Variants in DCC observed in about 807,000 individuals in gnomAD.
The protein encoded by DCC is DCC netrin 1 receptor.
Under a neutral mutation model 172.5 loss-of-function variants are expected in DCC, and 58 were observed. The observed-to-expected ratio is 0.34, with a 90% CI of 0.27 to 0.42. DCC has a LOEUF of 0.42. DCC is among the 10% of genes least tolerant of loss of function. DCC has a pLI of 1.00. For missense variants in DCC, 1,740 were observed against 1,791.0 expected, an observed-to-expected ratio of 0.97 and a Z score of 0.51; for synonymous variants, 709 against 644.5, an observed-to-expected ratio of 1.10 and a Z score of -1.52.
chr18:52,790,273 C>T (rs888941365), intron 2 of DCC, among the ~76,000 whole-genome samples: 2 of 152,152 alleles, frequency 1.3e-5, no homozygotes, highest in African/African-American at 4.8e-5. Context: ...GGTCTGCATC[C>T]TAGCCTAACA....
intron 7 of DCC, among the ~76,000 whole-genome samples, chr18:53,071,781 T>G (rs923767507): frequency 6.6e-6 from 1 of 152,176 alleles, no homozygotes; most frequent in Non-Finnish European, 1.5e-5. Flanking sequence ...AATAAGACAT[T>G]ATTACTGCAA....
At chr18:52,771,831 T>C (rs1461287944) in intron 2 of DCC, among the ~76,000 whole-genome samples, 8 of 144,542 alleles carry the variant, frequency 5.5e-5, no homozygotes, top group Non-Finnish European at 1.2e-4. Flanking sequence ...TCAGTGCTTC[T>C]CAAATTTGGT....
chr18:53,426,475 T>C (rs1910970526), intron 21 of DCC, among the ~76,000 whole-genome samples: 1 of 145,016 alleles, frequency 6.9e-6, no homozygotes, highest in Non-Finnish European at 1.5e-5. Flanking sequence ...ATTATATATA[T>C]TTTTATATAT....
At chr18:52,964,821 C>T (rs192538677) in intron 5 of DCC, among the ~76,000 whole-genome samples, 2,060 of 152,234 alleles carry the variant, frequency 0.014, 61 homozygotes, top group African/African-American at 0.047. Context: ...GAAATCAGCG[C>T]GTTGGCAAGG....
At position 52,584,813 on chromosome 18, in the gene DCC, T is replaced by G. The variant is rs144254130; in HGVS notation, c.92-167241T>G. On this transcript the variant is annotated intron_variant, in intron 1 of 28. Transcript: ENST00000442544. ...CCTCAGCTTTCCAAAGTGTTAGGATTACCGAGACGAGCCACTGCACCCAGC... is the reference window on the plus strand; with the variant it reads ...CCTCAGCTTTCCAAAGTGTTAGGATGACCGAGACGAGCCACTGCACCCAGC... Among the ~76,000 whole-genome samples the G allele has an allele frequency of 1.0e-3, 152 of 152,072 alleles. No homozygotes were observed. The East Asian group carries it at 0.029, about 29-fold the overall frequency.
rs2042889496 is a variant in DCC at position 53,086,147 on chromosome 18, C to CCTCCTCCTCCTG, written c.1261+19987_1261+19988insCTCCTGCTCCTC. Among the ~76,000 whole-genome samples, 3 of 21,136 alleles carry CCTCCTCCTCCTG rather than the reference C, an allele frequency of 1.4e-4. 1 individual carries two copies. The highest frequency in any genetic ancestry group is 8.6e-4 in the Admixed American group (2 of 2,324). 13.9% of individuals were successfully genotyped at this position (21,136 alleles called of 152,430 possible). ...TCCTCCTCCTCCTCCTCCTCCTCCTCCTCCTCTTCCTCTTCTCTTCCTCTT... is the reference window on the plus strand; with the variant it reads ...TCCTCCTCCTCCTCCTCCTCCTCCTCCTCCTCCTCCTGCTCCTCTTCCTCTTCTCTTCCTCTT... On this transcript the variant is annotated intron_variant, in intron 7 of 28. Coordinates refer to ENST00000442544, the MANE Select transcript of DCC (RefSeq NM_005215.4).
chr18:53,453,420 C>T (rs12605017), intron 23 of DCC, among the ~76,000 whole-genome samples: 73,339 of 151,906 alleles, frequency 0.48, 18,745 homozygotes, highest in Non-Finnish European at 0.58. Flanking sequence ...CATTCACGAG[C>T]TTCTTCAATA....
chr18:52,808,664 C>T (rs1225455554), intron 2 of DCC, among the ~76,000 whole-genome samples: 1 of 152,166 alleles, frequency 6.6e-6, no homozygotes, highest in Non-Finnish European at 1.5e-5. Flanking sequence ...CTCCTGCCAC[C>T]TGCCAGTGGC....
At chr18:52,454,500 TG>T (rs1176330359) in intron 1 of DCC, among the ~76,000 whole-genome samples, 1 of 152,116 alleles carries the variant, frequency 6.6e-6, no homozygotes, top group Non-Finnish European at 1.5e-5. Flanking sequence ...GTTTTTTTTT[TG>T]TATGATCACT....
intron 1 of DCC, among the ~76,000 whole-genome samples, chr18:52,647,807 A>G (rs1324287120): frequency 2.6e-5 from 4 of 152,198 alleles, no homozygotes; most frequent in Non-Finnish European, 5.9e-5. Context: ...TGATCAAACT[A>G]CTGCTACGTT....
chr18:53,292,033 C>T (rs2057010510), intron 12 of DCC, among the ~76,000 whole-genome samples: 1 of 151,606 alleles, frequency 6.6e-6, no homozygotes, highest in South Asian at 2.1e-4. Flanking sequence ...ATTTTAAATC[C>T]AGGAGCTTAA....
chr18:52,800,082 A>T (rs2037956099), intron 2 of DCC, among the ~76,000 whole-genome samples: 1 of 152,184 alleles, frequency 6.6e-6, no homozygotes, highest in Admixed American at 6.5e-5. Flanking sequence ...TTTTATTATG[A>T]TAAATAGTGA....
At chr18:53,393,388 G>A (rs776253904) in intron 17 of DCC, among the ~76,000 whole-genome samples, 5 of 152,186 alleles carry the variant, frequency 3.3e-5, no homozygotes, top group Admixed American at 6.5e-5. Context: ...CTCCAGGCAA[G>A]TCTAAATAGT....
intron 1 of DCC, among the ~76,000 whole-genome samples, chr18:52,636,819 C>G (rs2034789427): frequency 6.6e-6 from 1 of 152,202 alleles, no homozygotes; most frequent in Non-Finnish European, 1.5e-5. Context: ...ATGCTACTTA[C>G]AGCTGATTCT....
At chr18:52,966,333 A>G (rs2040929873) in intron 5 of DCC, among the ~76,000 whole-genome samples, 2 of 152,212 alleles carry the variant, frequency 1.3e-5, no homozygotes, top group African/African-American at 2.4e-5. Flanking sequence ...ATCCAAGCAA[A>G]CAAAAATAAT....
At chr18:53,315,094 C>CT (rs1328039693) in intron 13 of DCC, among the ~76,000 whole-genome samples, 2 of 152,270 alleles carry the variant, frequency 1.3e-5, no homozygotes, top group East Asian at 3.9e-4. Flanking sequence ...GGTATTTCTC[C>CT]TAAAGCTATC....
At chr18:52,380,547 A>G (rs80082133) in intron 1 of DCC, among the ~76,000 whole-genome samples, 2,783 of 152,162 alleles carry the variant, frequency 0.018, 75 homozygotes, top group African/African-American at 0.062. Context: ...ATCAATGGTC[A>G]TTTCAGATGG....
At chr18:53,320,262 C>A (rs776954566) in intron 13 of DCC, among the ~76,000 whole-genome samples, 10 of 151,972 alleles carry the variant, frequency 6.6e-5, no homozygotes, top group Non-Finnish European at 1.3e-4. Context: ...TTAGTAGAGA[C>A]GGGGTTCCAC....
intron 1 of DCC, among the ~76,000 whole-genome samples, chr18:52,413,886 C>T (rs554863625): frequency 6.6e-6 from 1 of 152,206 alleles, no homozygotes; most frequent in South Asian, 2.1e-4. Context: ...GGTACTTATG[C>T]ATATGCATAT....
Sources: gnomAD v4.1 joint callset for allele counts (sites outside exome capture counted in the v4.1 genomes callset) on GRCh38, gnomAD v4.1.1 for gene constraint, MANE v1.5 for transcripts, NCBI Gene and HGNC (gene_info 2026-07-23, HGNC 2026-07-21) for gene names.